PPFIA1: variants seen among roughly 807,000 people sequenced by gnomAD.
PPFIA1 encodes liprin-alpha-1.
PPFIA1 carries 25 observed loss-of-function variants against 149.9 expected under a neutral mutation model. That is an observed-to-expected ratio of 0.17 (90% CI 0.12 to 0.23). The LOEUF (loss-of-function observed/expected upper bound fraction) is 0.23, where lower values mean the gene tolerates loss of function less well. Among genes scored for constraint, PPFIA1 ranks in the 10% least tolerant of loss-of-function variants. The pLI, the probability that PPFIA1 is intolerant of heterozygous loss-of-function variation, is 1.00. For missense variants in PPFIA1, 1,362 were observed against 1,506.5 expected (o/e 0.90, Z 1.59); for synonymous variants, 549 against 552.8 (o/e 0.99, Z 0.10).
rs2057307725 is a variant in PPFIA1, at chr11:70,372,364, G to C, written c.3015G>C (p.Gln1005His). ...DHLTKKDLRG[Q>H]LKMVDSFHRN... Reference sequence around the variant, plus strand: ...TGACCAAGAAAGACCTTCGAGGGCAGCTGAAAATGGTCGACAGTTTTCACA... The same window carrying C: ...TGACCAAGAAAGACCTTCGAGGGCACCTGAAAATGGTCGACAGTTTTCACA... The change falls in exon 22 of 28, where the codon CAG becomes CAC. Residue 1005 changes from glutamine (Q) to histidine (H), a missense_variant. Transcript: ENST00000253925. 1 of 1,614,042 alleles carries C rather than the reference G, an allele frequency of 6.2e-7. No homozygotes were observed. The highest frequency in any genetic ancestry group is 8.5e-7 in the Non-Finnish European group (1 of 1,180,028).
chr11:70,360,467 G>A (rs1352074432), intron 19 of PPFIA1, among the ~76,000 whole-genome samples: 4 of 152,246 alleles, frequency 2.6e-5, no homozygotes, highest in Non-Finnish European at 5.9e-5. Context: ...GCCAGGCCCC[G>A]GACGCTCAAA....
chr11:70,282,438 A>G (rs2050813654), intron 2 of PPFIA1: 1 of 151,966 alleles, frequency 6.6e-6, no homozygotes, highest in South Asian at 2.1e-4. Context: ...AGCTACCACT[A>G]CAGGCATGAA....
rs2054928747 is a variant in PPFIA1, at chr11:70,335,694, G to A, written c.1428G>A (p.Lys476=). 6.2e-7 allele frequency: 1 copy of A among 1,613,714 alleles called. No homozygotes were observed. Among genetic ancestry groups the A allele is most frequent in the Non-Finnish European group, 8.5e-7 (1 of 1,179,816 alleles). Residue 476 remains lysine (K), a splice_region_variant and synonymous_variant, in exon 11 of 28, where the codon AAG becomes AAA. Transcript: ENST00000253925. ...AGAGAATGGCTGCTTTGGAAGATAAGGTAAGTTAGATAACACGGACATGCT... is the reference window on the plus strand; with the variant it reads ...AGAGAATGGCTGCTTTGGAAGATAAAGTAAGTTAGATAACACGGACATGCT... ...LKERMAALED[K]NSLLREVESA... is the part of the protein sequence containing the mutation.
chr11:70,380,391 C>T (rs1010848783), intron 26 of PPFIA1, among the ~76,000 whole-genome samples: 3 of 150,806 alleles, frequency 2.0e-5, no homozygotes, highest in African/African-American at 7.3e-5. Context: ...CACGGTGAAA[C>T]TCCATCTCTA....
chr11:70,338,397 A>C lies in PPFIA1; in HGVS notation c.1515A>C (p.Glu505Asp), dbSNP rs776510315. Residue 505 changes from glutamate (E) to aspartate (D), a missense_variant, in exon 13 of 28, where the codon GAA becomes GAC. Glu to Asp is a conservative substitution (Grantham distance 45). Transcript: ENST00000253925. ...AGGATCAGCTTGTCCTAAACATTGAAGCACTGAGGGCTGAACTAGACCACA... is the reference window on the plus strand; with the variant it reads ...AGGATCAGCTTGTCCTAAACATTGACGCACTGAGGGCTGAACTAGACCACA... ...HDKDQLVLNI[E>D]ALRAELDHMR... is the part of the protein sequence containing the mutation. 1.4e-5 allele frequency: 23 copies of C among 1,613,324 alleles called. No individual in the cohort carries two copies. The highest frequency in any genetic ancestry group is 2.0e-5 in the Non-Finnish European group (23 of 1,179,222).
intron 2 of PPFIA1, among the ~76,000 whole-genome samples, chr11:70,286,205 C>T (rs193111771): frequency 1.6e-4 from 25 of 152,286 alleles, no homozygotes; most frequent in Admixed American, 5.2e-4. Context: ...CCCCCGCATC[C>T]GTACCCCATC....
intron 2 of PPFIA1, among the ~76,000 whole-genome samples, chr11:70,305,947 G>A (rs1402133082): frequency 6.6e-6 from 1 of 152,172 alleles, no homozygotes; most frequent in Non-Finnish European, 1.5e-5. Context: ...TTGCCATGGG[G>A]AGGTTTAAAA....
At chr11:70,373,151 G>A (rs1316522833) in intron 23 of PPFIA1, among the ~76,000 whole-genome samples, 2 of 152,196 alleles carry the variant, frequency 1.3e-5, no homozygotes, top group South Asian at 2.1e-4. Context: ...TCCAGAAGAC[G>A]TGGAGTTGGT....
At chr11:70,300,393 G>A (rs912110996) in intron 2 of PPFIA1, among the ~76,000 whole-genome samples, 2 of 151,760 alleles carry the variant, frequency 1.3e-5, no homozygotes, top group African/African-American at 4.8e-5. Flanking sequence ...ATTTTGAGAC[G>A]GAGTCTTTCT....
At chr11:70,297,068 A>G (rs2052102019) in intron 2 of PPFIA1, among the ~76,000 whole-genome samples, 1 of 152,224 alleles carries the variant, frequency 6.6e-6, no homozygotes, top group Non-Finnish European at 1.5e-5. Context: ...TTGGCAAAGA[A>G]TGCTTTTCCC....
chr11:70,325,015 C>T lies in PPFIA1; in HGVS notation c.531+4C>T, dbSNP rs2054175565. 1.2e-6 allele frequency: 2 copies of T among 1,601,688 alleles called. No homozygotes were observed. The highest frequency in any genetic ancestry group is 1.7e-6 in the Non-Finnish European group (2 of 1,175,730). On this transcript the variant is annotated splice_donor_region_variant and intron_variant, in intron 4 of 27. Coordinates refer to ENST00000253925, the MANE Select transcript of PPFIA1 (RefSeq NM_003626.5). ...CCACAAAGCTCTGGATGAAAAGGTG[C>T]CATCAGCCACATAAGTCTTGGTTTG...
intron 7 of PPFIA1, among the ~76,000 whole-genome samples, chr11:70,329,567 C>T (rs2054533113): frequency 6.6e-6 from 1 of 152,166 alleles, no homozygotes; most frequent in African/African-American, 2.4e-5. Context: ...CTGTCTCAGA[C>T]TCCCAAGTAC....
chr11:70,345,868 T>C, intron 15 of PPFIA1: 1 of 286,964 alleles, frequency 3.5e-6, no homozygotes, highest in South Asian at 2.7e-5. Context: ...TGAGTGTGCG[T>C]ACATCAGAGC....
intron 2 of PPFIA1, among the ~76,000 whole-genome samples, chr11:70,293,950 T>TG (rs1415272095): frequency 6.7e-6 from 1 of 149,950 alleles, no homozygotes; most frequent in Non-Finnish European, 1.5e-5. Context: ...CTCTTTTTTT[T>TG]TTTTTTTTTG....
intron 2 of PPFIA1, among the ~76,000 whole-genome samples, chr11:70,306,434 T>C (rs1038651843): frequency 6.6e-6 from 1 of 152,212 alleles, no homozygotes. Flanking sequence ...TTTTAAATTA[T>C]AATTTTTATC....
chr11:70,361,814 T>C (rs1309844888), intron 19 of PPFIA1, among the ~76,000 whole-genome samples: 1 of 150,476 alleles, frequency 6.6e-6, no homozygotes, highest in Non-Finnish European at 1.5e-5. Flanking sequence ...TTTGTAGAGA[T>C]GCATCTCATT....
chr11:70,288,987 G>T (rs2051341019), intron 2 of PPFIA1, among the ~76,000 whole-genome samples: 1 of 134,102 alleles, frequency 7.5e-6, no homozygotes, highest in African/African-American at 2.7e-5. Context: ...TTTTTTTTGG[G>T]GACGGAGTCT....
At chr11:70,313,900 C>A (rs1322885272) in intron 2 of PPFIA1, among the ~76,000 whole-genome samples, 1 of 152,124 alleles carries the variant, frequency 6.6e-6, no homozygotes, top group Admixed American at 6.6e-5. Flanking sequence ...TGCCTGTGGT[C>A]CCAGATACTT....
At chr11:70,315,949 G>T (rs67529561) in intron 2 of PPFIA1, among the ~76,000 whole-genome samples, 33,273 of 151,912 alleles carry the variant, frequency 0.22, 5,564 homozygotes, top group African/African-American at 0.46. Context: ...CTGCTCTAGA[G>T]ACCTCATATA....
Sources: gnomAD v4.1 joint callset for allele counts (sites outside exome capture counted in the v4.1 genomes callset) on GRCh38, gnomAD v4.1.1 for gene constraint, MANE v1.5 for transcripts, NCBI Gene and HGNC (gene_info 2026-07-23, HGNC 2026-07-21) for gene names.